ROCK1: variants seen among roughly 807,000 people sequenced by gnomAD.
ROCK1 encodes the protein rho-associated protein kinase 1.
ROCK1 carries 36 observed loss-of-function variants against 196.8 expected under a neutral mutation model. The observed-to-expected ratio is 0.18, with a 90% CI of 0.14 to 0.24. The LOEUF is 0.24. ROCK1 is among the 10% of genes least tolerant of loss of function. The pLI, the probability that ROCK1 is intolerant of heterozygous loss-of-function variation, is 1.00. For missense variants in ROCK1, 920 were observed against 1,562.0 expected, an observed-to-expected ratio of 0.59 and a Z score of 6.93; for synonymous variants, 443 against 515.9, an observed-to-expected ratio of 0.86 and a Z score of 1.91.
Position 20,966,190 on chromosome 18 carries a change from A to G in ROCK1, c.3352+727T>C, listed in dbSNP as rs72879409. On this transcript the variant is annotated intron_variant, in intron 27 of 32. Transcript: ENST00000399799. ...ATGTTTTAATAATGATAACCTACTC[A>G]TTTTATTTCTAAATTGAACTTATAG... 8.7e-3 allele frequency among the ~76,000 whole-genome samples: 1,332 copies of G among 152,276 alleles called. 9 individuals carry two copies. Among genetic ancestry groups the G allele is most frequent in the Non-Finnish European group, 0.014 (932 of 68,014 alleles).
At chr18:21,019,170 T>C (rs2035890553) in intron 12 of ROCK1, among the ~76,000 whole-genome samples, 1 of 152,178 alleles carries the variant, frequency 6.6e-6, no homozygotes, top group Non-Finnish European at 1.5e-5. Flanking sequence ...ATTTTTCTTT[T>C]TGAGACAGAG....
chr18:21,031,015 C>G (rs1039574103), intron 9 of ROCK1, among the ~76,000 whole-genome samples: 1 of 152,116 alleles, frequency 6.6e-6, no homozygotes. Context: ...CTGTCACTGG[C>G]TGAGATAATG....
At chr18:21,033,747 G>A (rs1467223473) in intron 9 of ROCK1, among the ~76,000 whole-genome samples, 9 of 150,284 alleles carry the variant, frequency 6.0e-5, no homozygotes, top group East Asian at 3.9e-4. Flanking sequence ...GGCCAGGCGC[G>A]GTGGCTCACG....
intron 29 of ROCK1, 74 bp from the exon 30 acceptor site, chr18:20,955,319 A>C: frequency 8.6e-7 from 1 of 1,169,100 alleles, no homozygotes; most frequent in Admixed American, 2.9e-5. Context: ...AAGAGGACAT[A>C]TGGGTGATAA....
intron 24 of ROCK1, 126 bp from the exon 25 acceptor site, chr18:20,968,986 G>A: frequency 1.1e-6 from 1 of 889,868 alleles, no homozygotes; most frequent in African/African-American, 1.7e-5. Flanking sequence ...ACTTCATTAA[G>A]ATAATTCTTA....
Position 21,093,131 on chromosome 18 carries a change from T to A in ROCK1, c.93+17687A>T, listed in dbSNP as rs182809899. Among the ~76,000 whole-genome samples, 3 of 152,306 alleles carry A rather than the reference T, an allele frequency of 2.0e-5. No homozygotes were observed. In the East Asian group the frequency reaches 5.8e-4, roughly 29 times the overall value. On this transcript the variant is annotated intron_variant, in intron 1 of 32. Transcript: ENST00000399799. ...AGATATGGGTACATTATATCTAAATTGGTCAGATCAATTAGAGATTCTATT... is the reference window on the plus strand; with the variant it reads ...AGATATGGGTACATTATATCTAAATAGGTCAGATCAATTAGAGATTCTATT...
intron 4 of ROCK1, among the ~76,000 whole-genome samples, chr18:21,046,362 C>T (rs2036158976): frequency 6.6e-6 from 1 of 152,172 alleles, no homozygotes; most frequent in Non-Finnish European, 1.5e-5. Context: ...TGGCGGTTAG[C>T]AATTGCTTAA....
At chr18:21,099,707 T>C (rs2036642126) in intron 1 of ROCK1, among the ~76,000 whole-genome samples, 1 of 152,200 alleles carries the variant, frequency 6.6e-6, no homozygotes, top group Admixed American at 6.5e-5. Context: ...ATCATGCCAC[T>C]GCACTCCAGC....
chr18:21,032,681 G>A (rs981127017), intron 9 of ROCK1, among the ~76,000 whole-genome samples: 2 of 143,044 alleles, frequency 1.4e-5, no homozygotes, highest in East Asian at 4.0e-4. Context: ...CACCATGCCT[G>A]GCTATTTTTT....
At chr18:21,049,439 T>C (rs2036186853) in intron 3 of ROCK1, among the ~76,000 whole-genome samples, 1 of 152,254 alleles carries the variant, frequency 6.6e-6, no homozygotes, top group Non-Finnish European at 1.5e-5. Flanking sequence ...AAAAAATTTT[T>C]ATTTCCTATA....
chr18:21,085,374 C>T (rs2143576335), intron 1 of ROCK1, among the ~76,000 whole-genome samples: 1 of 95,192 alleles, frequency 1.1e-5, no homozygotes, highest in South Asian at 3.9e-4. Context: ...TTTCATGTTA[C>T]GTATATTTTA....
chr18:21,026,220 G>A (rs1219456225), intron 10 of ROCK1, among the ~76,000 whole-genome samples: 5 of 152,060 alleles, frequency 3.3e-5, no homozygotes, highest in Non-Finnish European at 5.9e-5. Flanking sequence ...CAAGGTGGGC[G>A]GATCACCTGA....
At chr18:21,081,136 T>C (rs77221407) in intron 1 of ROCK1, among the ~76,000 whole-genome samples, 1,665 of 152,214 alleles carry the variant, frequency 0.011, 33 homozygotes, top group African/African-American at 0.038. Flanking sequence ...CAAGTTTTAA[T>C]AACTTTTAAA....
chr18:21,029,578 T>C (rs1202904897), intron 9 of ROCK1, among the ~76,000 whole-genome samples: 3 of 152,160 alleles, frequency 2.0e-5, no homozygotes, highest in Non-Finnish European at 4.4e-5. Flanking sequence ...GTATTTATGA[T>C]ATCATTGTTA....
intron 22 of ROCK1, among the ~76,000 whole-genome samples, chr18:20,972,081 A>G (rs1334910505): frequency 6.6e-6 from 1 of 152,156 alleles, no homozygotes; most frequent in Non-Finnish European, 1.5e-5. Flanking sequence ...ACCAGTTAGG[A>G]GACTACTGAA....
At chr18:20,983,654 G>A (rs780318427) in intron 20 of ROCK1, among the ~76,000 whole-genome samples, 2 of 152,068 alleles carry the variant, frequency 1.3e-5, no homozygotes, top group Admixed American at 6.5e-5. Context: ...CTGAGCGAGA[G>A]TATTTTTGGA....
chr18:21,018,604 CTTATTT>C (rs2035885633), intron 12 of ROCK1, among the ~76,000 whole-genome samples: 1 of 151,586 alleles, frequency 6.6e-6, no homozygotes, highest in Non-Finnish European at 1.5e-5. Context: ...AGTTCTTCCC[CTTATTT>C]ACATATTTTA....
At chr18:20,970,290 ATGTGACCTAT>A in intron 23 of ROCK1, 48 bp downstream of exon 23, 1 of 1,326,844 alleles carries the variant, frequency 7.5e-7, no homozygotes, top group Middle Eastern at 1.9e-4. Flanking sequence ...ATATTTTAAG[ATGTGACCTAT>A]TGTGATTTAA....
At chr18:20,999,363 C>T (rs1161767681) in intron 16 of ROCK1, among the ~76,000 whole-genome samples, 12 of 151,662 alleles carry the variant, frequency 7.9e-5, no homozygotes, top group Non-Finnish European at 1.5e-4. Flanking sequence ...GAAAAAGCCT[C>T]AGAGTCAGAT....
Sources: gnomAD v4.1 joint callset for allele counts (sites outside exome capture counted in the v4.1 genomes callset) on GRCh38, gnomAD v4.1.1 for gene constraint, MANE v1.5 for transcripts, NCBI Gene and HGNC (gene_info 2026-07-23, HGNC 2026-07-21) for gene names.